Variants in DBT observed in about 807,000 individuals in gnomAD.
DBT encodes the protein lipoamide acyltransferase component of branched-chain alpha-keto acid dehydrogenase complex, mitochondrial.
A neutral mutation model predicts 51.3 loss-of-function variants in DBT; 40 were observed. The ratio of observed to expected loss-of-function variants is 0.78; its 90% CI spans 0.61 to 1.02. The LOEUF (loss-of-function observed/expected upper bound fraction) is 1.02, where lower values mean the gene tolerates loss of function less well. Ranked by LOEUF, DBT falls within the 50% of genes least tolerant of loss-of-function variation. The probability of loss-of-function intolerance (pLI) is 0.00; values close to 1 mark genes in which losing one functional copy is unlikely to be tolerated. For synonymous variants in DBT, 181 were observed against 190.4 expected (o/e 0.95, Z 0.41); for missense variants, 510 against 580.2 (o/e 0.88, Z 1.24).
Position 100,187,290 on chromosome 1 carries a change from C to T in DBT, c.*8965G>A, listed in dbSNP as rs973347140. ...AACAAAACAAAAAACAATACCCCTT[C>T]GGTGTCAAATGATACAGAAATGGCA... is the stretch of plus-strand genomic sequence containing the variant. On this transcript the variant is annotated 3_prime_UTR_variant, in exon 11 of 11. Transcript: ENST00000370132. 2.0e-5 allele frequency: 3 copies of T among 152,302 alleles called. No individual in the cohort carries two copies. The highest frequency in any genetic ancestry group is 2.9e-5 in the Non-Finnish European group (2 of 68,022). The allele number at this position is 152,302 out of a possible 1,614,324, so 9.4% of individuals were successfully genotyped here. A position where few individuals can be genotyped will look rare whatever the true frequency, so the allele number is the denominator to read the frequency against.
chr1:100,224,082 A>C (rs1663025428), intron 4 of DBT, among the ~76,000 whole-genome samples: 1 of 152,202 alleles, frequency 6.6e-6, no homozygotes, highest in South Asian at 2.1e-4. Context: ...AAAAGACAGT[A>C]CTATAGAATA....
At chr1:100,248,579 A>G (rs989122203) in intron 1 of DBT, among the ~76,000 whole-genome samples, 4 of 152,220 alleles carry the variant, frequency 2.6e-5, no homozygotes, top group African/African-American at 9.6e-5. Flanking sequence ...GGCCAAAGTC[A>G]GAGCCCTTTA....
chr1:100,232,292 GGTTGTTGTT>G (rs35509059), intron 3 of DBT, among the ~76,000 whole-genome samples: 3 of 150,496 alleles, frequency 2.0e-5, no homozygotes, highest in African/African-American at 7.3e-5. Context: ...GGAGCATCTG[GGTTGTTGTT>G]GTTGTTGTTG....
chr1:100,214,812 C>G lies in DBT; in HGVS notation c.939+5G>C. On this transcript the variant is annotated splice_donor_5th_base_variant and intron_variant, in intron 7 of 10. Coordinates refer to ENST00000370132, the MANE Select transcript of DBT (RefSeq NM_001918.5). ...CAAGCCTTGTTTGAAATGAATGAATCTCACCTTTAAGAAGAAAGGCATAAA... is the reference window on the plus strand; with the variant it reads ...CAAGCCTTGTTTGAAATGAATGAATGTCACCTTTAAGAAGAAAGGCATAAA... The G allele has an allele frequency of 6.2e-7, 1 of 1,613,742 alleles. No homozygotes were observed. The highest frequency in any genetic ancestry group is 8.5e-7 in the Non-Finnish European group (1 of 1,179,724).
intron 10 of DBT, among the ~76,000 whole-genome samples, chr1:100,199,225 T>C (rs965440833): frequency 6.6e-6 from 1 of 152,198 alleles, no homozygotes; most frequent in Admixed American, 6.5e-5. Flanking sequence ...ATCACCTTTT[T>C]GCACTCATTT....
intron 4 of DBT, among the ~76,000 whole-genome samples, chr1:100,220,928 G>A (rs1662822998): frequency 6.6e-6 from 1 of 152,212 alleles, no homozygotes; most frequent in Non-Finnish European, 1.5e-5. Flanking sequence ...TTGGAGAAAT[G>A]AGTAAGAAAG....
At chr1:100,237,958 T>C (rs1343089657) in intron 2 of DBT, among the ~76,000 whole-genome samples, 3 of 152,188 alleles carry the variant, frequency 2.0e-5, no homozygotes, top group Admixed American at 6.5e-5. Context: ...ATGTGATTTA[T>C]ATATTTATAT....
intron 7 of DBT, 30 bp from the exon 8 acceptor site, chr1:100,210,801 G>T (rs530802862): frequency 6.2e-7 from 1 of 1,610,810 alleles, no homozygotes; most frequent in African/African-American, 1.3e-5. Context: ...TGCAATTTTA[G>T]TACTTTTAAC....
chr1:100,225,979 G>A lies in DBT; in HGVS notation c.433+4754C>T, dbSNP rs113701225. Among the ~76,000 whole-genome samples the A allele has an allele frequency of 7.4e-3, 1,130 of 152,148 alleles. 20 individuals are homozygous for A. Among genetic ancestry groups the A allele is most frequent in the African/African-American group, 0.027 (1,101 of 41,498 alleles). ...GTGCCACTCTAGCTTGTACAACAGA[G>A]CAAGACCCCATGTCAAAAAACAAAA... On this transcript the variant is annotated intron_variant, in intron 4 of 10. Transcript: ENST00000370132.
rs562936647 is a variant in DBT, at chr1:100,206,755, G to A, written c.1018-119C>T. 259 of 729,224 alleles carry A rather than the reference G, an allele frequency of 3.6e-4. 1 individual carries two copies. In the East Asian group the frequency reaches 6.0e-3, roughly 17 times the overall value. The allele number at this position is 729,224 out of a possible 1,614,324, so 45.2% of individuals were successfully genotyped here. A position where few individuals can be genotyped will look rare whatever the true frequency, so the allele number is the denominator to read the frequency against. ...AAAACTCATTTTTACCAGATTGGTA[G>A]TGATTTAAAAGAAATAATTTAAAAA... On this transcript the variant is annotated intron_variant, in intron 8 of 10. Transcript: ENST00000370132.
intron 10 of DBT, among the ~76,000 whole-genome samples, chr1:100,205,188 AT>A (rs1661689509): frequency 6.6e-6 from 1 of 152,196 alleles, no homozygotes; most frequent in African/African-American, 2.4e-5. Context: ...ATGGGAGAAC[AT>A]TTTTGCAATC....
At chr1:100,237,787 C>A (rs959165940) in intron 2 of DBT, among the ~76,000 whole-genome samples, 6 of 151,872 alleles carry the variant, frequency 4.0e-5, no homozygotes, top group African/African-American at 1.5e-4. Context: ...AAGTCCATAC[C>A]ACCACACCCA....
chr1:100,215,974 T>C lies in DBT; in HGVS notation c.772+9A>G, dbSNP rs2100799392. On this transcript the variant is annotated intron_variant, in intron 6 of 10. Coordinates refer to ENST00000370132, the MANE Select transcript of DBT (RefSeq NM_001918.5). Reference sequence around the variant, plus strand: ...TATTGCCTTATAGTATTGTTATTATTATCATTACCTTTTATGGGTTCTGTT... The same window carrying C: ...TATTGCCTTATAGTATTGTTATTATCATCATTACCTTTTATGGGTTCTGTT... 5.4e-6 allele frequency: 8 copies of C among 1,487,092 alleles called. No homozygotes were observed. Among genetic ancestry groups the C allele is most frequent in the Non-Finnish European group, 6.6e-6 (7 of 1,064,362 alleles). The allele number at this position is 1,487,092 out of a possible 1,614,324, so 92.1% of individuals were successfully genotyped here. A position where few individuals can be genotyped will look rare whatever the true frequency, so the allele number is the denominator to read the frequency against.
intron 3 of DBT, among the ~76,000 whole-genome samples, chr1:100,235,154 T>C (rs953094309): frequency 1.3e-5 from 2 of 152,202 alleles, no homozygotes; most frequent in African/African-American, 4.8e-5. Context: ...CTTACATTCT[T>C]ACTAAAGTCA....
chr1:100,246,996 T>A (rs766991654), intron 1 of DBT, among the ~76,000 whole-genome samples: 5 of 151,088 alleles, frequency 3.3e-5, no homozygotes, highest in Non-Finnish European at 7.4e-5. Flanking sequence ...AGGTCTGGAG[T>A]TGAGACAGAA....
chr1:100,196,420 G>A lies in DBT; in HGVS notation c.1284C>T (p.Ala428=). The part of the protein sequence containing the change: ...VAIGALGSIK[A]IPRFNQKGEV... ...CTCCTTTCTGGTTAAATCGGGGAAT[G>A]GCCTAGAAATGAAAAAAAAAAAAAA... is the stretch of plus-strand genomic sequence containing the variant. The change falls in exon 11 of 11, where the codon GCC becomes GCT. Residue 428 remains alanine (A), a splice_region_variant and synonymous_variant. Transcript: ENST00000370132. 1 of 1,424,600 alleles carries A rather than the reference G, an allele frequency of 7.0e-7. No individual in the cohort carries two copies. The highest frequency in any genetic ancestry group is 1.2e-5 in the South Asian group (1 of 81,358). The allele number at this position is 1,424,600 out of a possible 1,614,324, so 88.2% of individuals were successfully genotyped here.
intron 10 of DBT, among the ~76,000 whole-genome samples, chr1:100,205,291 G>A (rs566947831): frequency 2.2e-4 from 34 of 152,100 alleles, no homozygotes; most frequent in African/African-American, 7.0e-4. Context: ...TAAAGTGGGC[G>A]AAGGATATGA....
chr1:100,241,969 C>G lies in DBT; in HGVS notation c.52-1085G>C, dbSNP rs372008423. ...GCGGGAGGCAGAGGTTGCAGTGAGC[C>G]GGGATCGAGCCACTGCACTCCAGCC... On this transcript the variant is annotated intron_variant, in intron 1 of 10. Transcript: ENST00000370132. 1.4e-4 allele frequency among the ~76,000 whole-genome samples: 21 copies of G among 151,654 alleles called. No individual in the cohort carries two copies. The South Asian group carries it at 4.2e-3, about 30-fold the overall frequency.
intron 4 of DBT, among the ~76,000 whole-genome samples, chr1:100,223,662 C>G (rs1328092066): frequency 6.6e-6 from 1 of 152,092 alleles, no homozygotes; most frequent in African/African-American, 2.4e-5. Flanking sequence ...GAGATGAGGT[C>G]TCACTGTGTT....
Sources: gnomAD v4.1 joint callset for allele counts (sites outside exome capture counted in the v4.1 genomes callset) on GRCh38, gnomAD v4.1.1 for gene constraint, MANE v1.5 for transcripts, NCBI Gene and HGNC (gene_info 2026-07-23, HGNC 2026-07-21) for gene names.